The following TPD52 variants were observed in gnomAD, a reference collection of about 807,000 sequenced individuals.
TPD52 encodes tumor protein D52.
In TPD52, 17 loss-of-function variants were observed where a neutral mutation model predicts 31.3. The ratio of observed to expected loss-of-function variants is 0.54; its 90% CI spans 0.37 to 0.82. The LOEUF is 0.82. TPD52 is among the 40% of genes least tolerant of loss of function. The probability of loss-of-function intolerance (pLI) is 0.00; values close to 1 mark genes in which losing one functional copy is unlikely to be tolerated. For synonymous variants in TPD52, 83 were observed against 89.6 expected, an observed-to-expected ratio of 0.93 and a Z score of 0.42; for missense variants, 212 against 240.1, an observed-to-expected ratio of 0.88 and a Z score of 0.77.
At chr8:80,091,418 G>A (rs1370774523) in intron 1 of TPD52, among the ~76,000 whole-genome samples, 1 of 150,516 alleles carries the variant, frequency 6.6e-6, no homozygotes, top group African/African-American at 2.5e-5. Context: ...GCAGTGAGCC[G>A]AGATCGCGCC....
intron 1 of TPD52, among the ~76,000 whole-genome samples, chr8:80,089,697 C>A (rs902082277): frequency 2.0e-5 from 3 of 152,160 alleles, no homozygotes; most frequent in Admixed American, 6.5e-5. Context: ...CCTTAAGGAA[C>A]CCTTACTATG....
At chr8:80,050,564 C>T in intron 4 of TPD52, 93 bp from the exon 5 acceptor site, 1 of 1,266,490 alleles carries the variant, frequency 7.9e-7, no homozygotes, top group Admixed American at 2.2e-5. Flanking sequence ...ATAATGTTTT[C>T]CCTGGGCTCT....
At chr8:80,133,070 C>T (rs1398899964) in intron 1 of TPD52, among the ~76,000 whole-genome samples, 1 of 152,164 alleles carries the variant, frequency 6.6e-6, no homozygotes, top group African/African-American at 2.4e-5. Flanking sequence ...ATCCTGGCTC[C>T]AACACCTCTT....
chr8:80,051,780 G>A (rs898113318), intron 3 of TPD52, 152 bp from the exon 4 acceptor site: 4 of 613,418 alleles, frequency 6.5e-6, no homozygotes, highest in African/African-American at 1.9e-5. Context: ...ATAACCAGCA[G>A]AGCGGCATCA....
At chr8:80,145,994 C>G (rs1563659769) in intron 1 of TPD52, among the ~76,000 whole-genome samples, 1 of 152,158 alleles carries the variant, frequency 6.6e-6, no homozygotes, top group Non-Finnish European at 1.5e-5. Context: ...CTCCCCCACC[C>G]AATTTTAATT....
chr8:80,163,570 C>T (rs928444516), intron 1 of TPD52, among the ~76,000 whole-genome samples: 1 of 152,190 alleles, frequency 6.6e-6, no homozygotes, highest in Non-Finnish European at 1.5e-5. Context: ...ACAGTTAACA[C>T]TATCGTACTG....
intron 1 of TPD52, among the ~76,000 whole-genome samples, chr8:80,077,457 G>A (rs1017385667): frequency 1.3e-5 from 2 of 152,056 alleles, no homozygotes; most frequent in Non-Finnish European, 2.9e-5. Context: ...TCCAAGTGGC[G>A]TATAAAGTAT....
At chr8:80,125,575 G>A (rs1808545466) in intron 1 of TPD52, among the ~76,000 whole-genome samples, 1 of 148,886 alleles carries the variant, frequency 6.7e-6, no homozygotes, top group African/African-American at 2.5e-5. Context: ...AAAAAAAAAA[G>A]AGAGACTACT....
intron 1 of TPD52, among the ~76,000 whole-genome samples, chr8:80,144,641 A>AACTC (rs1470088327): frequency 6.6e-6 from 1 of 152,198 alleles, no homozygotes; most frequent in Non-Finnish European, 1.5e-5. Context: ...AGGCACACAC[A>AACTC]ACTCACAGCC....
intron 1 of TPD52, among the ~76,000 whole-genome samples, chr8:80,157,231 G>A (rs529250269): frequency 4.6e-5 from 7 of 151,436 alleles, no homozygotes; most frequent in South Asian, 2.1e-4. Flanking sequence ...CAACCAAGGC[G>A]AAGACAGGGC....
chr8:80,101,520 A>C (rs146851710), intron 1 of TPD52, among the ~76,000 whole-genome samples: 2 of 152,180 alleles, frequency 1.3e-5, no homozygotes, highest in African/African-American at 4.8e-5. Context: ...ATTAAAAAGC[A>C]ATAACTGAGA....
intron 1 of TPD52, among the ~76,000 whole-genome samples, chr8:80,139,891 C>A (rs1809704851): frequency 6.6e-6 from 1 of 152,106 alleles, no homozygotes; most frequent in South Asian, 2.1e-4. Flanking sequence ...AGTCACCCAG[C>A]TAGGGGACCC....
chr8:80,085,884 G>T (rs1351618123), intron 1 of TPD52, among the ~76,000 whole-genome samples: 1 of 152,024 alleles, frequency 6.6e-6, no homozygotes, highest in Admixed American at 6.5e-5. Context: ...TGGCCTTTTG[G>T]CTGAGATCAA....
At chr8:80,124,620 G>C (rs1315067045) in intron 1 of TPD52, among the ~76,000 whole-genome samples, 1 of 152,148 alleles carries the variant, frequency 6.6e-6, no homozygotes, top group Non-Finnish European at 1.5e-5. Flanking sequence ...GCTTACAATT[G>C]ATAGTGTCTT....
At chr8:80,093,642 CAGT>C (rs954232973) in intron 1 of TPD52, among the ~76,000 whole-genome samples, 171 of 152,236 alleles carry the variant, frequency 1.1e-3, no homozygotes, top group African/African-American at 3.8e-3. Context: ...TACATTTAGG[CAGT>C]TAAACTTGCT....
intron 1 of TPD52, among the ~76,000 whole-genome samples, chr8:80,132,969 A>C (rs1431430509): frequency 6.6e-6 from 1 of 152,170 alleles, no homozygotes; most frequent in Non-Finnish European, 1.5e-5. Flanking sequence ...CATACTTGCT[A>C]GTTCTCTATC....
intron 1 of TPD52, among the ~76,000 whole-genome samples, chr8:80,163,454 G>A (rs1811494141): frequency 6.6e-6 from 1 of 152,186 alleles, no homozygotes; most frequent in Admixed American, 6.5e-5. Flanking sequence ...GTTACCAGGG[G>A]TAGGGGATGG....
downstream of TPD52, chr8:80,034,740 G>A (rs934962828): frequency 1.3e-5 from 2 of 152,100 alleles, no homozygotes; most frequent in South Asian, 2.1e-4. Context: ...GAAAGATCAC[G>A]TCCATTTACA....
At chr8:80,072,492 C>T (rs113616018) in intron 1 of TPD52, among the ~76,000 whole-genome samples, 7 of 22 alleles carry the variant, frequency 0.32, 2 homozygotes, top group African/African-American at 0.75. Context: ...CATAGATATG[C>T]GTGTATATAC....
Sources: gnomAD v4.1 joint callset for allele counts (sites outside exome capture counted in the v4.1 genomes callset) on GRCh38, gnomAD v4.1.1 for gene constraint, MANE v1.5 for transcripts, NCBI Gene and HGNC (gene_info 2026-07-23, HGNC 2026-07-21) for gene names.